The following CLEC4E variants were observed in gnomAD, a reference collection of about 807,000 sequenced individuals.
The protein encoded by CLEC4E is C-type (calcium dependent, carbohydrate-recognition domain) lectin, superfamily member 9.
In CLEC4E, 21 loss-of-function variants were observed where a neutral mutation model predicts 24.7. The observed-to-expected ratio is 0.85, with a 90% CI of 0.60 to 1.22. The LOEUF (loss-of-function observed/expected upper bound fraction) is 1.22, where lower values mean the gene tolerates loss of function less well. CLEC4E is among the 50% of genes most tolerant of loss of function. The pLI is 0.00. For synonymous variants in CLEC4E, 94 were observed against 85.7 expected (o/e 1.10, Z -0.54); for missense variants, 249 against 254.1 (o/e 0.98, Z 0.14).
intron 5 of CLEC4E, 115 bp from the exon 6 acceptor site, chr12:8,534,924 G>C: frequency 1.2e-6 from 1 of 853,766 alleles, no homozygotes; most frequent in South Asian, 2.0e-5. Flanking sequence ...TTGCGAGGTA[G>C]GTATTATAAT....
chr12:8,536,488 G>A (rs371662730), intron 4 of CLEC4E, among the ~76,000 whole-genome samples: 4 of 152,110 alleles, frequency 2.6e-5, no homozygotes, highest in East Asian at 3.9e-4. Flanking sequence ...AACCTGGGAG[G>A]CAGAGGTTGC....
chr12:8,538,070 C>A (rs947094276), intron 3 of CLEC4E, among the ~76,000 whole-genome samples: 1 of 152,202 alleles, frequency 6.6e-6, no homozygotes, highest in African/African-American at 2.4e-5. Context: ...CTAGCGGTAG[C>A]GTTAAGTGTC....
In CLEC4E at chr12:8,536,172, C is replaced by T. The variant is rs889506201; in HGVS notation, c.406G>A (p.Glu136Lys). The stretch of plus-strand genomic sequence containing the variant: ...TGGTCTGACAGTCCAATAAAAAACT[C>T]TCTCATTTTAGGTTTCTTGTAGGAA... The part of the protein sequence containing the change: ...FLSYKKPKMR[E>K]FFIGLSDQVV... Residue 136 changes from glutamate to lysine, a missense_variant, in exon 5 of 6, where the codon GAG becomes AAG. Glu to Lys is a moderately conservative substitution (Grantham distance 56, BLOSUM62 1). Coordinates refer to ENST00000299663, the MANE Select transcript of CLEC4E (RefSeq NM_014358.4). 1.2e-6 allele frequency: 2 copies of T among 1,612,482 alleles called. No individual in the cohort carries two copies. Among genetic ancestry groups the T allele is most frequent in the African/African-American group, 2.7e-5 (2 of 74,876 alleles).
chr12:8,538,097 T>C (rs1418375730), intron 3 of CLEC4E, among the ~76,000 whole-genome samples: 1 of 152,338 alleles, frequency 6.6e-6, no homozygotes, highest in East Asian at 1.9e-4. Flanking sequence ...AAACACCCGC[T>C]ACTTAGCAGA....
chr12:8,536,329 G>A, intron 4 of CLEC4E, 124 bp from the exon 5 acceptor site: 1 of 515,826 alleles, frequency 1.9e-6, no homozygotes, highest in Admixed American at 2.8e-5. Context: ...GCCGAGGCGG[G>A]TGGATCACCT....
chr12:8,538,546 A>G (rs7139227), intron 3 of CLEC4E, among the ~76,000 whole-genome samples: 90,244 of 151,856 alleles, frequency 0.59, 26,965 homozygotes, highest in South Asian at 0.71. Context: ...AGACATTCGG[A>G]GCCACTACCG....
In CLEC4E at chr12:8,539,925, T is replaced by C. The variant is rs750918854; in HGVS notation, c.60A>G (p.Gln20=). The change falls in exon 2 of 6, where the codon CAA becomes CAG. Residue 20 remains glutamine, a synonymous_variant. Coordinates refer to ENST00000299663, the MANE Select transcript of CLEC4E (RefSeq NM_014358.4). ...TCCCAGCAACAGTCCATAAGAACAT[T>C]TGGGAAGAGAAGCATCCTCTCTCTG... ...QCTERGCFSS[Q]MFLWTVAGIP... 3 of 1,609,660 alleles carry C rather than the reference T, an allele frequency of 1.9e-6. No individual in the cohort carries two copies. Among genetic ancestry groups the C allele is most frequent in the South Asian group, 2.2e-5 (2 of 90,986 alleles).
chr12:8,539,752 G>T, intron 2 of CLEC4E, 103 bp downstream of exon 2: 3 of 730,342 alleles, frequency 4.1e-6, no homozygotes, highest in South Asian at 1.7e-5. Context: ...GGGTGAAATA[G>T]AAAGACCCTT....
At chr12:8,540,070 C>G in intron 1 of CLEC4E, 123 bp from the exon 2 acceptor site, 1 of 689,910 alleles carries the variant, frequency 1.4e-6, no homozygotes. Flanking sequence ...TGAGTAATTC[C>G]CAAATTTCAG....
rs956801909 is a variant in CLEC4E at position 8,534,429 on chromosome 12, G to A, written c.*209C>T. ...TGAATTGCTTTGTAAATTCTGGGAAGAGGACCTGAGACTAACGTAGAGAGA... is the reference window on the plus strand; with the variant it reads ...TGAATTGCTTTGTAAATTCTGGGAAAAGGACCTGAGACTAACGTAGAGAGA... On this transcript the variant is annotated 3_prime_UTR_variant, in exon 6 of 6. Transcript: ENST00000299663. 2.6e-5 allele frequency: 10 copies of A among 384,188 alleles called. No individual in the cohort carries two copies. Among genetic ancestry groups the A allele is most frequent in the African/African-American group, 1.9e-4 (9 of 47,902 alleles). 23.8% of individuals were successfully genotyped at this position (384,188 alleles called of 1,614,324 possible).
At chr12:8,537,011 A>C in intron 4 of CLEC4E, 104 bp downstream of exon 4, 2 of 1,017,108 alleles carry the variant, frequency 2.0e-6, no homozygotes, top group Non-Finnish European at 2.7e-6. Context: ...ATTTTAGTAC[A>C]TTCATTAACA....
At chr12:8,539,741 AG>A in intron 2 of CLEC4E, 113 bp downstream of exon 2, 1 of 686,080 alleles carries the variant, frequency 1.5e-6, no homozygotes, top group Non-Finnish European at 2.6e-6. Context: ...GAAAAAAAAA[AG>A]GGTGAAATAG....
chr12:8,537,830 T>G (rs369779645), intron 3 of CLEC4E, among the ~76,000 whole-genome samples: 34 of 152,362 alleles, frequency 2.2e-4, no homozygotes, highest in African/African-American at 7.7e-4. Context: ...CATTAGTTTG[T>G]AGCAATTACT....
At position 8,539,925 on chromosome 12, in the gene CLEC4E, T is replaced by A; in HGVS notation, c.60A>T (p.Gln20His). 6.2e-7 allele frequency: 1 copy of A among 1,609,660 alleles called. No homozygotes were observed. Among genetic ancestry groups the A allele is most frequent in the Non-Finnish European group, 8.5e-7 (1 of 1,176,006 alleles). The change falls in exon 2 of 6, where the codon CAA becomes CAT. Residue 20 changes from glutamine (Q) to histidine (H), a missense_variant. Physicochemically the swap from Gln to His is conservative, Grantham distance 24 (BLOSUM62 0). Transcript: ENST00000299663. ...QCTERGCFSS[Q>H]MFLWTVAGIP... ...TCCCAGCAACAGTCCATAAGAACATTTGGGAAGAGAAGCATCCTCTCTCTG... is the reference window on the plus strand; with the variant it reads ...TCCCAGCAACAGTCCATAAGAACATATGGGAAGAGAAGCATCCTCTCTCTG...
chr12:8,536,207 T>C lies in CLEC4E; in HGVS notation c.373-2A>G. On this transcript the variant is annotated splice_acceptor_variant, in intron 4 of 5. Transcript: ENST00000299663. LOFTEE classifies it high-confidence loss of function. ...AGGTTTCTTGTAGGAAAGGAATTCC[T>C]ATGGAAGATACAAAATAAAAGGAGA... 6.9e-7 allele frequency: 1 copy of C among 1,455,810 alleles called. No homozygotes were observed. The allele number at this position is 1,455,810 out of a possible 1,614,324, so 90.2% of individuals were successfully genotyped here.
rs1030308599 is a variant in CLEC4E at position 8,534,249 on chromosome 12, G to A, written c.*389C>T. The A allele has an allele frequency of 1.2e-5, 2 of 160,476 alleles. No homozygotes were observed. Among genetic ancestry groups the A allele is most frequent in the Admixed American group, 6.3e-5 (1 of 15,892 alleles). 9.9% of individuals were successfully genotyped at this position (160,476 alleles called of 1,614,324 possible). The stretch of plus-strand genomic sequence containing the variant: ...AGAAGAGAAGACAGACTTGTCAGAA[G>A]CTAGAAAGAAGAGGACCTGCTACAG... On this transcript the variant is annotated 3_prime_UTR_variant, in exon 6 of 6. Coordinates refer to ENST00000299663, the MANE Select transcript of CLEC4E (RefSeq NM_014358.4).
intron 3 of CLEC4E, 29 bp from the exon 4 acceptor site, chr12:8,537,295 C>A: frequency 6.3e-7 from 1 of 1,594,650 alleles, no homozygotes; most frequent in Non-Finnish European, 8.6e-7. Flanking sequence ...CAGTGAGTGT[C>A]CCAGGTGAAC....
chr12:8,539,561 C>A (rs993766472), intron 2 of CLEC4E, among the ~76,000 whole-genome samples: 5 of 152,146 alleles, frequency 3.3e-5, no homozygotes, highest in African/African-American at 1.2e-4. Context: ...AAGGCAGACT[C>A]TCCTAGAGAA....
chr12:8,536,305 T>C lies in CLEC4E; in HGVS notation c.373-100A>G, dbSNP rs182533675. The stretch of plus-strand genomic sequence containing the variant: ...AGAGGTAAGAATCTGGATGAGATCC[T>C]AGCACTTTGGGAGGCCGAGGCGGGT... On this transcript the variant is annotated intron_variant, in intron 4 of 5. Coordinates refer to ENST00000299663, the MANE Select transcript of CLEC4E (RefSeq NM_014358.4). 4.8e-4 allele frequency: 319 copies of C among 663,912 alleles called. No individual in the cohort carries two copies. In the African/African-American group the frequency reaches 5.1e-3, roughly 11 times the overall value. 41.1% of individuals were successfully genotyped at this position (663,912 alleles called of 1,614,324 possible).
Sources: allele counts gnomAD v4.1 joint callset (sites outside exome capture counted in the v4.1 genomes callset), GRCh38; gene constraint gnomAD v4.1.1; transcripts MANE v1.5; gene names NCBI Gene and HGNC (gene_info 2026-07-23, HGNC 2026-07-21).